Variants in ZNF780B observed in about 807,000 individuals in gnomAD.
ZNF780B encodes the protein zinc finger protein 779.
A neutral mutation model predicts 74.1 loss-of-function variants in ZNF780B; 52 were observed. The observed-to-expected ratio is 0.70, with a 90% CI of 0.56 to 0.88. The LOEUF (loss-of-function observed/expected upper bound fraction) is 0.88. Ranked by LOEUF, ZNF780B falls within the 40% of genes least tolerant of loss-of-function variation. ZNF780B has a pLI of 0.00. For missense variants in ZNF780B, 953 were observed against 1,007.6 expected, an observed-to-expected ratio of 0.95 and a Z score of 0.73; for synonymous variants, 315 against 324.3, an observed-to-expected ratio of 0.97 and a Z score of 0.31.
Position 40,044,744 on chromosome 19 carries a change from AAAC to A in ZNF780B, c.232+2628_232+2630del, listed in dbSNP as rs142193013. Among the ~76,000 whole-genome samples the A allele has an allele frequency of 4.6e-5, 7 of 152,354 alleles. No homozygotes were observed. The East Asian group carries it at 1.3e-3, about 29-fold the overall frequency. ...AGGACTCAAATGTTACCCCTAAAGA[AAAC>A]AACCAAACCACAATGATAAAAAATA... On this transcript the variant is annotated intron_variant, in intron 4 of 4. Transcript: ENST00000434248.
rs1268082303 is a variant in ZNF780B, at chr19:40,030,530, T to C, written c.*3827A>G. On this transcript the variant is annotated 3_prime_UTR_variant, in exon 5 of 5. Transcript: ENST00000434248. ...ATAGCAGCATATCACTTTTGTACTATTATAAAGCTGAAAATTATAAGTCAA... is the reference window on the plus strand; with the variant it reads ...ATAGCAGCATATCACTTTTGTACTACTATAAAGCTGAAAATTATAAGTCAA... 2 of 152,212 alleles carry C rather than the reference T, an allele frequency of 1.3e-5. No homozygotes were observed. The highest frequency in any genetic ancestry group is 2.4e-5 in the African/African-American group (1 of 41,454). The allele number at this position is 152,212 out of a possible 1,614,324, so 9.4% of individuals were successfully genotyped here.
intron 4 of ZNF780B, among the ~76,000 whole-genome samples, chr19:40,037,700 C>G (rs542870924): frequency 6.6e-6 from 1 of 152,250 alleles, no homozygotes; most frequent in African/African-American, 2.4e-5. Context: ...AACCTTAACA[C>G]AGAGAACAAA....
At position 40,029,644 on chromosome 19, in the gene ZNF780B, C is replaced by T. The variant is rs1474307553; in HGVS notation, c.*4713G>A. ...CATACCTGTAACTGCCATGTGCACTCACAGCAGCCAGATTTTTTGGTCTCT... is the reference window on the plus strand; with the variant it reads ...CATACCTGTAACTGCCATGTGCACTTACAGCAGCCAGATTTTTTGGTCTCT... On this transcript the variant is annotated 3_prime_UTR_variant, in exon 5 of 5. Coordinates refer to ENST00000434248, the MANE Select transcript of ZNF780B (RefSeq NM_001005851.3). The T allele has an allele frequency of 6.6e-6, 1 of 152,538 alleles. No individual in the cohort carries two copies. Among genetic ancestry groups the T allele is most frequent in the Non-Finnish European group, 1.5e-5 (1 of 68,190 alleles). The allele number at this position is 152,538 out of a possible 1,614,324, so 9.4% of individuals were successfully genotyped here. A position where few individuals can be genotyped will look rare whatever the true frequency, so the allele number is the denominator to read the frequency against.
intron 1 of ZNF780B, 40 bp from the exon 2 acceptor site, chr19:40,050,417 G>A (rs781533828): frequency 5.9e-5 from 89 of 1,514,744 alleles, no homozygotes; most frequent in Middle Eastern, 1.7e-4. Context: ...AAGTCAAGCT[G>A]TGTCCGAAAG....
At chr19:40,042,446 C>G (rs7255394) in intron 4 of ZNF780B, among the ~76,000 whole-genome samples, 4,736 of 152,196 alleles carry the variant, frequency 0.031, 174 homozygotes, top group African/African-American at 0.088. Flanking sequence ...TGAATGTTGG[C>G]CTGCCTTGCT....
At position 40,036,579 on chromosome 19, in the gene ZNF780B, T is replaced by C; in HGVS notation, c.280A>G (p.Ile94Val). Residue 94 changes from isoleucine (I) to valine (V), a missense_variant, in exon 5 of 5, where the codon ATT (isoleucine) becomes GTT (valine). Physicochemically the swap from Ile to Val is conservative, Grantham distance 29. Coordinates refer to ENST00000434248, the MANE Select transcript of ZNF780B (RefSeq NM_001005851.3). Reference sequence around the variant, plus strand: ...TGTTTGGGTAAATTTATTTCAAAAATATCATTTTCTGGAGATATTTTCTCA... The same window carrying C: ...TGTTTGGGTAAATTTATTTCAAAAACATCATTTTCTGGAGATATTTTCTCA... Reference protein sequence around the residue: ...GPEKISPENDIFEINLPKHVI... With the variant: ...GPEKISPENDVFEINLPKHVI... The C allele has an allele frequency of 6.4e-7, 1 of 1,566,992 alleles. No individual in the cohort carries two copies. Among genetic ancestry groups the C allele is most frequent in the Non-Finnish European group, 8.6e-7 (1 of 1,160,908 alleles).
chr19:40,045,697 C>A (rs1972903722), intron 4 of ZNF780B, among the ~76,000 whole-genome samples: 1 of 152,104 alleles, frequency 6.6e-6, no homozygotes, highest in African/African-American at 2.4e-5. Context: ...GTCAGAAAGA[C>A]AAATATCAGA....
chr19:40,036,687 T>A, intron 4 of ZNF780B, 61 bp from the exon 5 acceptor site: 1 of 1,052,158 alleles, frequency 9.5e-7, no homozygotes. Flanking sequence ...GCATACAAAA[T>A]CCATTAAACA....
intron 2 of ZNF780B, 148 bp from the exon 3 acceptor site, chr19:40,048,944 C>T (rs1973074143): frequency 7.7e-7 from 1 of 1,302,894 alleles, no homozygotes; most frequent in Non-Finnish European, 1.0e-6. Flanking sequence ...CTGCTGCTGG[C>T]CTGGTGTGGT....
At chr19:40,036,779 A>G (rs566652739) in intron 4 of ZNF780B, among the ~76,000 whole-genome samples, 153 bp from the exon 5 acceptor site, 27 of 152,304 alleles carry the variant, frequency 1.8e-4, no homozygotes, top group African/African-American at 6.0e-4. Flanking sequence ...TTTATGTAAG[A>G]TGGTGGTGTG....
In ZNF780B at chr19:40,036,404, T is replaced by A; in HGVS notation, c.455A>T (p.Tyr152Phe). ...ATTATGAATAGGAGAAGCATGAGTATAAGCAGGCATTTCTTCATAGCTGAT... is the reference window on the plus strand; with the variant it reads ...ATTATGAATAGGAGAAGCATGAGTAAAAGCAGGCATTTCTTCATAGCTGAT... ...KIISYEEMPA[Y>F]THASPIHNTH... Residue 152 changes from tyrosine to phenylalanine, a missense_variant, in exon 5 of 5, where the codon TAT (tyrosine) becomes TTT (phenylalanine). Coordinates refer to ENST00000434248, the MANE Select transcript of ZNF780B (RefSeq NM_001005851.3). The A allele has an allele frequency of 6.2e-7, 1 of 1,609,486 alleles. No homozygotes were observed. The highest frequency in any genetic ancestry group is 8.5e-7 in the Non-Finnish European group (1 of 1,178,602).
Position 40,054,040 on chromosome 19 carries a change from C to T in ZNF780B, c.-46+2149G>A, listed in dbSNP as rs541026212. 1.5e-3 allele frequency among the ~76,000 whole-genome samples: 224 copies of T among 152,196 alleles called. 1 individual carries two copies. The highest frequency in any genetic ancestry group is 2.8e-3 in the Non-Finnish European group (193 of 68,036). ...TGGTGGCATGCACCTGTAGTCCCAG[C>T]TACTCGGAAGGCTGGGGCAGGAGAA... On this transcript the variant is annotated intron_variant, in intron 1 of 4. Transcript: ENST00000434248.
chr19:40,036,719 A>ATTTT, intron 4 of ZNF780B, 93 bp from the exon 5 acceptor site: 2 of 760,872 alleles, frequency 2.6e-6, no homozygotes, highest in Non-Finnish European at 2.0e-6. Context: ...TATAAAATAT[A>ATTTT]ATACTTTCAG....
At chr19:40,050,496 C>T in intron 1 of ZNF780B, 119 bp from the exon 2 acceptor site, 2 of 980,692 alleles carry the variant, frequency 2.0e-6, no homozygotes, top group Non-Finnish European at 1.5e-6. Context: ...ACGCACACTT[C>T]CACCCTTCTC....
Position 40,035,227 on chromosome 19 carries a change from A to G in ZNF780B, c.1632T>C (p.Leu544=). The G allele has an allele frequency of 6.2e-7, 1 of 1,614,112 alleles. No individual in the cohort carries two copies. Among genetic ancestry groups the G allele is most frequent in the Non-Finnish European group, 8.5e-7 (1 of 1,180,014 alleles). The change falls in exon 5 of 5, where the codon CTT becomes CTC. Residue 544 remains leucine, a synonymous_variant. Coordinates refer to ENST00000434248, the MANE Select transcript of ZNF780B (RefSeq NM_001005851.3). ...CTGTATGAGTTTTCTCATGTTGAGA[A>G]AGTTGTAGGTGAAGTCTAAAAGCCT... The part of the protein sequence containing the change: ...CGKAFRLHLQ[L]SQHEKTHTGE...
At chr19:40,056,069 GT>G (rs1231240986) in intron 1 of ZNF780B, 119 bp downstream of exon 1, 2 of 152,358 alleles carry the variant, frequency 1.3e-5, no homozygotes, top group African/African-American at 4.8e-5. Flanking sequence ...TGCGCCCCGG[GT>G]TCCTCCTCTG....
intron 4 of ZNF780B, among the ~76,000 whole-genome samples, chr19:40,038,988 T>C (rs931290894): frequency 6.6e-6 from 1 of 152,254 alleles, no homozygotes; most frequent in Non-Finnish European, 1.5e-5. Flanking sequence ...TCCTTGCCCA[T>C]GCCTATGTCC....
At chr19:40,042,035 T>C (rs958729704) in intron 4 of ZNF780B, among the ~76,000 whole-genome samples, 19 of 152,336 alleles carry the variant, frequency 1.2e-4, no homozygotes, top group South Asian at 4.1e-4. Context: ...GTTTTTGCAG[T>C]GGCTGGCACC....
At chr19:40,047,576 G>C (rs1414258074) in intron 3 of ZNF780B, 106 bp from the exon 4 acceptor site, 2 of 641,338 alleles carry the variant, frequency 3.1e-6, no homozygotes, top group South Asian at 2.3e-5. Context: ...AAACAATATT[G>C]AGAAGAGACT....
Sources: allele counts gnomAD v4.1 joint callset (sites outside exome capture counted in the v4.1 genomes callset), GRCh38; gene constraint gnomAD v4.1.1; transcripts MANE v1.5; gene names NCBI Gene and HGNC (gene_info 2026-07-23, HGNC 2026-07-21).